WWC2: variants seen among roughly 807,000 people sequenced by gnomAD.
The protein encoded by WWC2 is WW and C2 domain containing 2.
WWC2 carries 101 observed loss-of-function variants against 138.5 expected under a neutral mutation model. That is an observed-to-expected ratio of 0.73 (90% CI 0.62 to 0.86). The LOEUF is 0.86. WWC2 is among the 40% of genes least tolerant of loss of function. The pLI is 0.00. For synonymous variants in WWC2, 558 were observed against 538.4 expected (o/e 1.04, Z -0.50); for missense variants, 1,420 against 1,419.4 (o/e 1.00, Z -0.01).
intron 1 of WWC2, among the ~76,000 whole-genome samples, chr4:183,131,920 T>A (rs1732937551): frequency 6.6e-6 from 1 of 152,222 alleles, no homozygotes; most frequent in South Asian, 2.1e-4. Context: ...CTCTGTGTAT[T>A]GAAAGGTCCA....
intron 1 of WWC2, among the ~76,000 whole-genome samples, chr4:183,146,102 T>C (rs1733448753): frequency 6.6e-6 from 1 of 152,224 alleles, no homozygotes; most frequent in African/African-American, 2.4e-5. Context: ...GAAGTTGAGC[T>C]GACTTATCTT....
intron 17 of WWC2, among the ~76,000 whole-genome samples, chr4:183,282,001 G>A (rs956601305): frequency 6.6e-6 from 1 of 152,164 alleles, no homozygotes; most frequent in Non-Finnish European, 1.5e-5. Context: ...GTGCCAGTTT[G>A]TCATTATGTC....
chr4:183,296,857 C>T (rs1345306080), intron 21 of WWC2, among the ~76,000 whole-genome samples: 1 of 134,808 alleles, frequency 7.4e-6, no homozygotes, highest in East Asian at 2.3e-4. Flanking sequence ...TGGCGTGAAC[C>T]CCGGAGGCGG....
At chr4:183,290,142 A>T (rs1738396989) in intron 21 of WWC2, among the ~76,000 whole-genome samples, 1 of 152,124 alleles carries the variant, frequency 6.6e-6, no homozygotes, top group East Asian at 1.9e-4. Context: ...GAAAAATTAC[A>T]TTTTGCTTAT....
chr4:183,265,930 T>C lies in WWC2; in HGVS notation c.2186T>C (p.Leu729Ser). Residue 729 changes from leucine (L) to serine (S), a missense_variant, in exon 14 of 23, where the codon TTG becomes TCG. By Grantham distance (145) the Leu-to-Ser change is moderately radical (BLOSUM62 -2). Transcript: ENST00000403733. ...IAQLRNLHAF[L>S]IPHTSKVYFR... ...CAGCTCCGAAACCTTCATGCCTTCT[T>C]GATACCTCATACTTCAAAAGTGTAA... 7 of 1,612,818 alleles carry C rather than the reference T, an allele frequency of 4.3e-6. No homozygotes were observed. Among genetic ancestry groups the C allele is most frequent in the Non-Finnish European group, 5.9e-6 (7 of 1,179,412 alleles).
intron 4 of WWC2, among the ~76,000 whole-genome samples, chr4:183,218,358 A>C (rs1006774768): frequency 1.3e-5 from 2 of 151,996 alleles, no homozygotes; most frequent in African/African-American, 2.4e-5. Flanking sequence ...AAAAAAAAAA[A>C]CAACTGACTA....
In WWC2 at chr4:183,271,212, A is replaced by G. The variant is rs760305557; in HGVS notation, c.2533A>G (p.Asn845Asp). ...EENEDSVFQP[N>D]QPLVDSIDLD... ...AAATGAGGACTCTGTATTTCAACCA[A>G]ACCAGCCGTTAGTAGATTCTATAGA... is the stretch of plus-strand genomic sequence containing the variant. The change falls in exon 16 of 23, where the codon AAC (asparagine) becomes GAC (aspartate). Residue 845 changes from asparagine to aspartate, a missense_variant. Physicochemically the swap from Asn to Asp is conservative, Grantham distance 23. Transcript: ENST00000403733. 2 of 1,612,374 alleles carry G rather than the reference A, an allele frequency of 1.2e-6. No individual in the cohort carries two copies. The highest frequency in any genetic ancestry group is 1.7e-6 in the Non-Finnish European group (2 of 1,179,292).
chr4:183,274,983 C>T (rs1178957269), intron 16 of WWC2, among the ~76,000 whole-genome samples: 5 of 152,110 alleles, frequency 3.3e-5, no homozygotes, highest in Non-Finnish European at 5.9e-5. Context: ...TTGTTAATTA[C>T]AGTCACCTTA....
intron 4 of WWC2, among the ~76,000 whole-genome samples, chr4:183,216,378 C>A (rs115832447): frequency 0.017 from 2,535 of 152,176 alleles, 75 homozygotes; most frequent in African/African-American, 0.058. Context: ...TTAGATGTGT[C>A]TTTAGAGAGA....
chr4:183,102,889 T>C (rs2152885677), intron 1 of WWC2, among the ~76,000 whole-genome samples: 1 of 151,506 alleles, frequency 6.6e-6, no homozygotes. Context: ...TTTTTTTTAA[T>C]TACATTCAAC....
intron 14 of WWC2, 81 bp from the exon 15 acceptor site, chr4:183,268,890 T>C (rs1276728625): frequency 1.5e-6 from 2 of 1,366,276 alleles, no homozygotes; most frequent in African/African-American, 2.9e-5. Flanking sequence ...TTTCTCTCTT[T>C]GCAGATAATT....
At chr4:183,110,208 A>G (rs1455986491) in intron 1 of WWC2, among the ~76,000 whole-genome samples, 1 of 152,194 alleles carries the variant, frequency 6.6e-6, no homozygotes, top group Non-Finnish European at 1.5e-5. Context: ...CATGAGAAAA[A>G]CAGGCAAAAT....
chr4:183,168,483 C>T (rs1413181479), intron 1 of WWC2, among the ~76,000 whole-genome samples: 1 of 152,140 alleles, frequency 6.6e-6, no homozygotes, highest in Non-Finnish European at 1.5e-5. Context: ...TGTTAAATGT[C>T]AAAACTCTCC....
At chr4:183,294,018 A>G (rs1445504533) in intron 21 of WWC2, among the ~76,000 whole-genome samples, 3 of 152,138 alleles carry the variant, frequency 2.0e-5, no homozygotes, top group African/African-American at 7.2e-5. Flanking sequence ...ATACTATGAT[A>G]TAATGTAATT....
chr4:183,125,652 T>A (rs768909769), intron 1 of WWC2, among the ~76,000 whole-genome samples: 1 of 152,238 alleles, frequency 6.6e-6, no homozygotes, highest in Non-Finnish European at 1.5e-5. Context: ...TGAAAACTTT[T>A]CATACTCAAC....
At chr4:183,282,134 C>T (rs1056495942) in intron 17 of WWC2, among the ~76,000 whole-genome samples, 10 of 152,184 alleles carry the variant, frequency 6.6e-5, no homozygotes, top group African/African-American at 2.4e-4. Flanking sequence ...TTTATATATT[C>T]CATATAAGCT....
intron 22 of WWC2, among the ~76,000 whole-genome samples, chr4:183,313,485 G>T (rs1204272023): frequency 1.3e-5 from 2 of 152,100 alleles, no homozygotes; most frequent in South Asian, 4.1e-4. Flanking sequence ...GGGAGCAGGG[G>T]TGTGGGGAGG....
chr4:183,226,963 C>G (rs576806731), intron 4 of WWC2, among the ~76,000 whole-genome samples: 3 of 152,028 alleles, frequency 2.0e-5, no homozygotes, highest in Non-Finnish European at 4.4e-5. Context: ...ATTTGATAAG[C>G]TAGGTGCATA....
At chr4:183,258,398 A>G (rs1291779299) in intron 9 of WWC2, among the ~76,000 whole-genome samples, 1 of 152,246 alleles carries the variant, frequency 6.6e-6, no homozygotes, top group Non-Finnish European at 1.5e-5. Flanking sequence ...AGTTTAACAT[A>G]TAATGGAATA....
Sources: gnomAD v4.1 joint callset for allele counts (sites outside exome capture counted in the v4.1 genomes callset) on GRCh38, gnomAD v4.1.1 for gene constraint, MANE v1.5 for transcripts, NCBI Gene and HGNC (gene_info 2026-07-23, HGNC 2026-07-21) for gene names.